KIAA0232: variants seen among roughly 807,000 people sequenced by gnomAD.
The protein encoded by KIAA0232 is KIAA0232.
In KIAA0232, 27 loss-of-function variants were observed where a neutral mutation model predicts 122.0. That is an observed-to-expected ratio of 0.22 (90% confidence interval 0.16 to 0.31). The LOEUF is 0.31. Among genes scored for constraint, KIAA0232 ranks in the 10% least tolerant of loss-of-function variants. The pLI is 1.00. For synonymous variants in KIAA0232, 613 were observed against 587.6 expected, an observed-to-expected ratio of 1.04 and a Z score of -0.63; for missense variants, 1,551 against 1,634.2, an observed-to-expected ratio of 0.95 and a Z score of 0.88.
chr4:6,830,664 C>T (rs1451968893), intron 3 of KIAA0232, among the ~76,000 whole-genome samples: 1 of 152,076 alleles, frequency 6.6e-6, no homozygotes, highest in Non-Finnish European at 1.5e-5. Context: ...ACCTTGGCCT[C>T]CCAAAGTGCT....
intron 4 of KIAA0232, among the ~76,000 whole-genome samples, chr4:6,844,803 T>C (rs1277957430): frequency 2.6e-5 from 4 of 152,182 alleles, no homozygotes; most frequent in Non-Finnish European, 5.9e-5. Flanking sequence ...TTACCACTTA[T>C]ACATACAGCT....
At chr4:6,839,926 T>A (rs1719554067) in intron 3 of KIAA0232, among the ~76,000 whole-genome samples, 1 of 152,166 alleles carries the variant, frequency 6.6e-6, no homozygotes, top group African/African-American at 2.4e-5. Flanking sequence ...GCTCATTTTT[T>A]AGGGGCAAAT....
intron 4 of KIAA0232, among the ~76,000 whole-genome samples, chr4:6,842,543 T>C (rs527528423): frequency 5.3e-4 from 80 of 152,106 alleles, no homozygotes; most frequent in African/African-American, 1.8e-3. Flanking sequence ...CAGTATAATA[T>C]TATAATATAA....
intron 7 of KIAA0232, among the ~76,000 whole-genome samples, chr4:6,870,359 A>T (rs771375923): frequency 9.2e-5 from 14 of 152,206 alleles, no homozygotes; most frequent in Non-Finnish European, 2.1e-4. Context: ...CTCAGGAATC[A>T]TTCTCTCATC....
chr4:6,783,174 G>C (rs1716432471), intron 1 of KIAA0232, among the ~76,000 whole-genome samples: 1 of 151,646 alleles, frequency 6.6e-6, no homozygotes, highest in Non-Finnish European at 1.5e-5. Flanking sequence ...CCGGGCCGCT[G>C]TTGATGGCTC....
chr4:6,864,564 C>A (rs1292538483), intron 7 of KIAA0232, among the ~76,000 whole-genome samples: 1 of 151,506 alleles, frequency 6.6e-6, no homozygotes, highest in Non-Finnish European at 1.5e-5. Context: ...CATGGTGAGA[C>A]CCCGTCTCTA....
In KIAA0232 at chr4:6,786,953, C is replaced by T. The variant is rs532470489; in HGVS notation, c.-354+4112C>T. On this transcript the variant is annotated intron_variant, in intron 1 of 9. Transcript: ENST00000307659. ...ATTCCAGCACCTTGGGAGGCCGAGG[C>T]GGGCGGATCATGAGGTCAAGAGAGT... Among the ~76,000 whole-genome samples the T allele has an allele frequency of 1.1e-3, 163 of 152,162 alleles. 1 individual carries two copies. The South Asian group carries it at 0.015, about 14-fold the overall frequency.
Position 6,863,956 on chromosome 4 carries a change from C to A in KIAA0232, c.3574C>A (p.Leu1192Met). Residue 1192 changes from leucine (L) to methionine (M), a missense_variant, in exon 7 of 10, where the codon CTG becomes ATG. Physicochemically the swap from Leu to Met is conservative, Grantham distance 15. Coordinates refer to ENST00000307659, the MANE Select transcript of KIAA0232 (RefSeq NM_014743.3). ...GATGGAAAAGAGTGCTCAGACATCA[C>A]TGGATTCCCAGGAGGAATCAACTGG... The part of the protein sequence containing the change: ...SGMEKSAQTS[L>M]DSQEESTGIL... 1 of 1,614,040 alleles carries A rather than the reference C, an allele frequency of 6.2e-7. No individual in the cohort carries two copies. Among genetic ancestry groups the A allele is most frequent in the South Asian group, 1.1e-5 (1 of 91,058 alleles).
At position 6,882,580 on chromosome 4, in the gene KIAA0232, G is replaced by C. The variant is rs2108869750; in HGVS notation, c.*1614G>C. 2 of 152,044 alleles carry C rather than the reference G, an allele frequency of 1.3e-5. No homozygotes were observed. The highest frequency in any genetic ancestry group is 3.9e-4 in the East Asian group (2 of 5,156). The allele number at this position is 152,044 out of a possible 1,614,324, so 9.4% of individuals were successfully genotyped here. A position where few individuals can be genotyped will look rare whatever the true frequency, so the allele number is the denominator to read the frequency against. On this transcript the variant is annotated 3_prime_UTR_variant, in exon 10 of 10. Transcript: ENST00000307659. Reference sequence around the variant, plus strand: ...CCGGGTCGATCTTCCCACGTGTTAGGGTTTATTTTTATACAACACATTTTT... The same window carrying C: ...CCGGGTCGATCTTCCCACGTGTTAGCGTTTATTTTTATACAACACATTTTT...
At position 6,855,540 on chromosome 4, in the gene KIAA0232, G is replaced by C. The variant is rs977338132; in HGVS notation, c.370-1624G>C. On this transcript the variant is annotated intron_variant, in intron 4 of 9. Transcript: ENST00000307659. This position sits in a 1 kb window ranked among gnomAD's most constrained non-coding sequence, Gnocchi z 4.3. Reference sequence around the variant, plus strand: ...GCAAAAAAAATATATGTTTATATATGACAGCAAATATATATATATCACTCA... The same window carrying C: ...GCAAAAAAAATATATGTTTATATATCACAGCAAATATATATATATCACTCA... 3.3e-5 allele frequency among the ~76,000 whole-genome samples: 5 copies of C among 151,866 alleles called. No homozygotes were observed. Among genetic ancestry groups the C allele is most frequent in the Non-Finnish European group, 7.4e-5 (5 of 67,994 alleles).
Position 6,830,401 on chromosome 4 carries a change from GTCTTTTTTTTTTTTTT to G in KIAA0232, c.231+5719_231+5734del, listed in dbSNP as rs1280113562. 4.1e-5 allele frequency among the ~76,000 whole-genome samples: 5 copies of G among 120,980 alleles called. No homozygotes were observed. The Admixed American group carries it at 4.5e-4, about 11-fold the overall frequency. The allele number at this position is 120,980 out of a possible 152,430, so 79.4% of individuals were successfully genotyped here. On this transcript the variant is annotated intron_variant, in intron 3 of 9. Coordinates refer to ENST00000307659, the MANE Select transcript of KIAA0232 (RefSeq NM_014743.3). ...CGTCTTTTAGCTTGCCTTCTCTGTT[GTCTTTTTTTTTTTTTT>G]TTTTTTTTTGAGATGGAGCACTCAC... is the stretch of plus-strand genomic sequence containing the variant.
chr4:6,864,307 T>C (rs1212570037), intron 7 of KIAA0232, 124 bp downstream of exon 7: 1 of 1,098,262 alleles, frequency 9.1e-7, no homozygotes, highest in African/African-American at 1.6e-5. Context: ...GTCTTAAAAC[T>C]TAAATTGTTC....
At chr4:6,875,143 T>C (rs774301661) in intron 8 of KIAA0232, among the ~76,000 whole-genome samples, 2 of 152,182 alleles carry the variant, frequency 1.3e-5, no homozygotes, top group African/African-American at 2.4e-5. Flanking sequence ...AGAGGACACA[T>C]GGCATCCTCC....
At position 6,861,651 on chromosome 4, in the gene KIAA0232, A is replaced by C; in HGVS notation, c.1269A>C (p.Thr423=). The C allele has an allele frequency of 1.9e-6, 3 of 1,614,122 alleles. No homozygotes were observed. Among genetic ancestry groups the C allele is most frequent in the Non-Finnish European group, 2.5e-6 (3 of 1,180,038 alleles). ...GCAGAAAAAGTAAACTAGAGACCACATACCGAAACAGACAGGATACAAGTG... is the reference window on the plus strand; with the variant it reads ...GCAGAAAAAGTAAACTAGAGACCACCTACCGAAACAGACAGGATACAAGTG... ...PLSRKSKLET[T]YRNRQDTSDL... is the part of the protein sequence containing the mutation. The change falls in exon 7 of 10, where the codon ACA becomes ACC. Residue 423 remains threonine, a synonymous_variant. Coordinates refer to ENST00000307659, the MANE Select transcript of KIAA0232 (RefSeq NM_014743.3).
chr4:6,816,273 T>C (rs761289529), intron 2 of KIAA0232, among the ~76,000 whole-genome samples: 10 of 149,630 alleles, frequency 6.7e-5, no homozygotes, highest in Admixed American at 2.0e-4. Context: ...TTGTTTCTTA[T>C]AATGTCTTTT....
intron 3 of KIAA0232, among the ~76,000 whole-genome samples, chr4:6,829,532 A>C (rs1290257420): frequency 6.6e-6 from 1 of 152,240 alleles, no homozygotes; most frequent in African/African-American, 2.4e-5. Context: ...AAGGAACATC[A>C]CAGCATGTAA....
At chr4:6,804,460 A>C (rs1326853987) in intron 1 of KIAA0232, 63 bp from the exon 2 acceptor site, 2 of 152,206 alleles carry the variant, frequency 1.3e-5, no homozygotes, top group East Asian at 3.8e-4. Context: ...AAGAAACCTA[A>C]GATCATTTTA....
chr4:6,844,628 G>T (rs1213485570), intron 4 of KIAA0232, among the ~76,000 whole-genome samples: 1 of 152,034 alleles, frequency 6.6e-6, no homozygotes, highest in Non-Finnish European at 1.5e-5. Flanking sequence ...TAGAGATGGG[G>T]TTTCACTGTG....
In KIAA0232 at chr4:6,822,312, C is replaced by G. The variant is rs188000635; in HGVS notation, c.-269-1873C>G. On this transcript the variant is annotated intron_variant, in intron 2 of 9. Transcript: ENST00000307659. Reference sequence around the variant, plus strand: ...AGTAGCAAAACATGTATTAGTGACACATTAATTTAGTAACTTAGTCCTGCG... The same window carrying G: ...AGTAGCAAAACATGTATTAGTGACAGATTAATTTAGTAACTTAGTCCTGCG... Among the ~76,000 whole-genome samples, 246 of 152,206 alleles carry G rather than the reference C, an allele frequency of 1.6e-3. 1 individual carries two copies. The highest frequency in any genetic ancestry group is 5.7e-3 in the African/African-American group (236 of 41,546).
Sources: gnomAD v4.1 joint callset for allele counts (sites outside exome capture counted in the v4.1 genomes callset) on GRCh38, gnomAD v4.1.1 for gene constraint, Gnocchi (gnomAD v3.1) non-coding constraint, MANE v1.5 for transcripts, NCBI Gene and HGNC (gene_info 2026-07-23, HGNC 2026-07-21) for gene names.